The following PRAMEF2 variants were observed in gnomAD, a reference collection of about 807,000 sequenced individuals.
The protein encoded by PRAMEF2 is PRAME family member 2.
Under a neutral mutation model 38.0 loss-of-function variants are expected in PRAMEF2, and 35 were observed. The ratio of observed to expected loss-of-function variants is 0.92; its 90% CI spans 0.70 to 1.22. The LOEUF is 1.22. PRAMEF2 is among the 50% of genes most tolerant of loss of function. The probability of loss-of-function intolerance (pLI) is 0.00; values close to 1 mark genes in which losing one functional copy is unlikely to be tolerated. For missense variants in PRAMEF2, 562 were observed against 553.9 expected (o/e 1.01, Z -0.15); for synonymous variants, 240 against 232.4 (o/e 1.03, Z -0.30).
intron 1 of PRAMEF2, 96 bp from the exon 2 acceptor site, chr1:12,858,889 C>A: frequency 7.2e-7 from 1 of 1,394,734 alleles, no homozygotes; most frequent in East Asian, 2.3e-5. Context: ...GGTAATTTTT[C>A]TACCTCTACC....
chr1:12,859,784 G>C lies in PRAMEF2; in HGVS notation c.379G>C (p.Glu127Gln), dbSNP rs550661423. 1 of 1,606,992 alleles carries C rather than the reference G, an allele frequency of 6.2e-7. No individual in the cohort carries two copies. Among genetic ancestry groups the C allele is most frequent in the South Asian group, 1.1e-5 (1 of 90,784 alleles). Residue 127 changes from glutamate to glutamine, a missense_variant, in exon 3 of 4, where the codon GAG becomes CAG. Physicochemically the swap from Glu to Gln is conservative, Grantham distance 29. Around this residue, in one of 2 missense-constraint regions of PRAMEF2, gnomAD observed 486 missense variants for 444.2 expected, o/e 1.09. Transcript: ENST00000240189. ...PGAWALSCFP[E>Q]AMSKRQTAED... ...AGCCTGGGCCCTGTCCTGCTTCCCA[G>C]AGGCCATGAGTAAGAGGCAGACAGC...
rs1355464052 is a variant in PRAMEF2, at chr1:12,859,849, G to A, written c.444G>A (p.Lys148=). ...CPRTGEHQPL[K]VFIDICLKEI... ...GGACGGGAGAGCACCAGCCCTTAAA[G>A]GTGTTCATAGACATCTGCCTCAAGG... Residue 148 remains lysine (K), a synonymous_variant, in exon 3 of 4, where the codon AAG becomes AAA. Transcript: ENST00000240189. 6 of 1,606,856 alleles carry A rather than the reference G, an allele frequency of 3.7e-6. No homozygotes were observed. The highest frequency in any genetic ancestry group is 1.3e-5 in the African/African-American group (1 of 74,380).
intron 2 of PRAMEF2, 78 bp from the exon 3 acceptor site, chr1:12,859,615 T>C: frequency 1.3e-6 from 2 of 1,586,874 alleles, no homozygotes; most frequent in Admixed American, 3.5e-5. Context: ...GAGCAGCTGA[T>C]TTATGGGATG....
chr1:12,858,312 A>T (rs1057481262), intron 1 of PRAMEF2, among the ~76,000 whole-genome samples: 1 of 150,116 alleles, frequency 6.7e-6, no homozygotes, highest in Non-Finnish European at 1.5e-5. Flanking sequence ...GCTGGAGTGC[A>T]GTGGTGTGAT....
intron 1 of PRAMEF2, among the ~76,000 whole-genome samples, chr1:12,858,229 C>T (rs1218184981): frequency 6.7e-6 from 1 of 149,912 alleles, no homozygotes; most frequent in African/African-American, 2.4e-5. Context: ...CATGACCACA[C>T]CTGGCTAATA....
intron 1 of PRAMEF2, among the ~76,000 whole-genome samples, chr1:12,858,726 T>G (rs1181497666): frequency 2.7e-5 from 4 of 149,680 alleles, no homozygotes; most frequent in African/African-American, 9.8e-5. Flanking sequence ...GTCCAGTGGT[T>G]CTGGGATTCA....
rs771396978 is a variant in PRAMEF2 at position 12,861,385 on chromosome 1, T to C, written c.1031T>C (p.Leu344Pro). 1 of 1,604,582 alleles carries C rather than the reference T, an allele frequency of 6.2e-7. No individual in the cohort carries two copies. ...AGTCTTGAACCCCTAGGAGCTCTGC[T>C]AGAGAAAATTGCTGCCTCTCTCGAG... ...RISLEPLGALLEKIAASLETL... is the reference protein window; with the variant it reads ...RISLEPLGALPEKIAASLETL... The change falls in exon 4 of 4, where the codon CTA (leucine) becomes CCA (proline). Residue 344 changes from leucine (L) to proline (P), a missense_variant. Physicochemically the swap from Leu to Pro is moderately conservative, Grantham distance 98. Coordinates refer to ENST00000240189, the MANE Select transcript of PRAMEF2 (RefSeq NM_023014.1).
At chr1:12,860,376 C>T (rs1640527935) in intron 3 of PRAMEF2, 105 bp downstream of exon 3, 1 of 1,541,952 alleles carries the variant, frequency 6.5e-7, no homozygotes, top group Non-Finnish European at 8.8e-7. Flanking sequence ...GGCAACGTCA[C>T]AGTGAAGGGA....
Position 12,859,073 on chromosome 1 carries a change from G to A in PRAMEF2, c.64G>A (p.Ala22Thr), listed in dbSNP as rs773911946. 6.2e-7 allele frequency: 1 copy of A among 1,604,370 alleles called. No homozygotes were observed. Among genetic ancestry groups the A allele is most frequent in the African/African-American group, 1.4e-5 (1 of 73,774 alleles). Residue 22 changes from alanine to threonine, a missense_variant, in exon 2 of 4, where the codon GCC becomes ACC. Transcript: ENST00000240189. ...LAGQSLLRDQALSISAMEELP... is the reference protein window; with the variant it reads ...LAGQSLLRDQTLSISAMEELP... ...GGGGCAGAGCCTGCTGAGAGACCAG[G>A]CCTTGTCCATCTCTGCCATGGAGGA...
intron 1 of PRAMEF2, among the ~76,000 whole-genome samples, chr1:12,858,090 C>A (rs1484195824): frequency 2.7e-5 from 4 of 149,284 alleles, no homozygotes; most frequent in Non-Finnish European, 5.9e-5. Flanking sequence ...TTTTTTTCTG[C>A]GATGTACTCT....
At chr1:12,857,477 T>C (rs943120769) in intron 1 of PRAMEF2, among the ~76,000 whole-genome samples, 1 of 145,382 alleles carries the variant, frequency 6.9e-6, no homozygotes, top group Non-Finnish European at 1.5e-5. Flanking sequence ...TTGGTGTTAT[T>C]GTGATCCTCC....
At chr1:12,860,405 A>G in intron 3 of PRAMEF2, 134 bp downstream of exon 3, 2 of 1,504,238 alleles carry the variant, frequency 1.3e-6, no homozygotes. Flanking sequence ...ATGTCAACAC[A>G]TTGTCCCATT....
Position 12,860,050 on chromosome 1 carries a change from G to A in PRAMEF2, c.645G>A (p.Thr215=), listed in dbSNP as rs376186859. 6.8e-6 allele frequency: 11 copies of A among 1,606,648 alleles called. 1 individual carries two copies. The highest frequency in any genetic ancestry group is 5.2e-5 in the Admixed American group (3 of 58,106). Residue 215 remains threonine (T), a synonymous_variant, in exon 3 of 4, where the codon ACG becomes ACA. Coordinates refer to ENST00000240189, the MANE Select transcript of PRAMEF2 (RefSeq NM_023014.1). The part of the protein sequence containing the change: ...NSIGELEIHN[T]CWPHLIRKLY... Reference sequence around the variant, plus strand: ...TTGGGGAGCTGGAAATTCACAACACGTGCTGGCCACATCTGATAAGAAAGC... The same window carrying A: ...TTGGGGAGCTGGAAATTCACAACACATGCTGGCCACATCTGATAAGAAAGC...
Position 12,859,730 on chromosome 1 carries a change from G to C in PRAMEF2, c.325G>C (p.Asp109His). The change falls in exon 3 of 4, where the codon GAT becomes CAT. Residue 109 changes from aspartate (D) to histidine (H), a missense_variant. Asp to His is a moderately conservative substitution (Grantham distance 81, BLOSUM62 -1). Coordinates refer to ENST00000240189, the MANE Select transcript of PRAMEF2 (RefSeq NM_023014.1). The part of the protein sequence containing the change: ...KLQVLDLRDV[D>H]ENFWARWPGA... ...TCAAGTGCTGGATTTGCGGGATGTT[G>C]ATGAGAATTTCTGGGCCAGATGGCC... 6.2e-7 allele frequency: 1 copy of C among 1,606,676 alleles called. No homozygotes were observed. Among genetic ancestry groups the C allele is most frequent in the South Asian group, 1.1e-5 (1 of 90,796 alleles).
chr1:12,860,498 G>A (rs1640530076), intron 3 of PRAMEF2, among the ~76,000 whole-genome samples: 1 of 148,564 alleles, frequency 6.7e-6, no homozygotes, highest in Non-Finnish European at 1.5e-5. Context: ...GCTAGAGAGG[G>A]ACATCATGTA....
In PRAMEF2 at chr1:12,858,941, G is replaced by A. The variant is rs550111732; in HGVS notation, c.-25-44G>A. 51 of 1,554,934 alleles carry A rather than the reference G, an allele frequency of 3.3e-5. 1 individual carries two copies. In the Admixed American group the frequency reaches 4.7e-4, roughly 14 times the overall value. On this transcript the variant is annotated intron_variant, in intron 1 of 3. Coordinates refer to ENST00000240189, the MANE Select transcript of PRAMEF2 (RefSeq NM_023014.1). ...TCCTAGGAGAAGATGAGGTGATTGT[G>A]TTTGCCCTGAGAGTGATACATTCTC...
rs371938354 is a variant in PRAMEF2 at position 12,859,087 on chromosome 1, T to G, written c.78T>G (p.Ser26=). 1.2e-6 allele frequency: 2 copies of G among 1,604,550 alleles called. 1 individual carries two copies. The highest frequency in any genetic ancestry group is 4.5e-5 in the East Asian group (2 of 44,614). ...SLLRDQALSI[S]AMEELPRVLY... ...TGAGAGACCAGGCCTTGTCCATCTC[T>G]GCCATGGAGGAGCTGCCCAGGGTGC... The change falls in exon 2 of 4, where the codon TCT becomes TCG. Residue 26 remains serine, a synonymous_variant. Coordinates refer to ENST00000240189, the MANE Select transcript of PRAMEF2 (RefSeq NM_023014.1).
chr1:12,860,209 C>T lies in PRAMEF2; in HGVS notation c.804C>T (p.His268=), dbSNP rs748471232. The change falls in exon 3 of 4, where the codon CAC becomes CAT. Residue 268 remains histidine, a synonymous_variant. Transcript: ENST00000240189. Reference sequence around the variant, plus strand: ...CCTCTGTGTTCCTCAGGCTGGAACACCTCCAGTTGCTTAAAATAAAATTGA... The same window carrying T: ...CCTCTGTGTTCCTCAGGCTGGAACATCTCCAGTTGCTTAAAATAAAATTGA... The part of the protein sequence containing the change: ...RFTSVFLRLE[H]LQLLKIKLIT... 5.6e-6 allele frequency: 9 copies of T among 1,606,810 alleles called. No homozygotes were observed. In the Admixed American group the frequency reaches 1.4e-4, roughly 25 times the overall value.
chr1:12,859,125 T>G lies in PRAMEF2; in HGVS notation c.116T>G (p.Leu39Arg). The G allele has an allele frequency of 1.9e-6, 3 of 1,606,490 alleles. No homozygotes were observed. The highest frequency in any genetic ancestry group is 1.7e-6 in the Non-Finnish European group (2 of 1,176,730). The change falls in exon 2 of 4, where the codon CTC (leucine) becomes CGC (arginine). Residue 39 changes from leucine to arginine, a missense_variant. Physicochemically the swap from Leu to Arg is moderately radical, Grantham distance 102. Transcript: ENST00000240189. Reference protein sequence around the residue: ...EELPRVLYLPLFREAFSRRHF... With the variant: ...EELPRVLYLPRFREAFSRRHF... ...CTGCCCAGGGTGCTCTATCTCCCAC[T>G]CTTCAGGGAGGCCTTCAGCAGGAGA...
Sources: gnomAD v4.1 joint callset for allele counts (sites outside exome capture counted in the v4.1 genomes callset) on GRCh38, gnomAD v4.1.1 for gene constraint, gnomAD v4.1.1 regional missense constraint, MANE v1.5 for transcripts, NCBI Gene and HGNC (gene_info 2026-07-23, HGNC 2026-07-21) for gene names.